CACNA2D3: variants seen among roughly 807,000 people sequenced by gnomAD.
The protein encoded by CACNA2D3 is calcium voltage-gated channel auxiliary subunit alpha2delta 3.
Under a neutral mutation model 160.6 loss-of-function variants are expected in CACNA2D3, and 60 were observed. The observed-to-expected ratio is 0.37, with a 90% CI of 0.30 to 0.46. The LOEUF is 0.46. Among genes scored for constraint, CACNA2D3 ranks in the 20% least tolerant of loss-of-function variants. The pLI is 1.00. For synonymous variants in CACNA2D3, 558 were observed against 492.9 expected (o/e 1.13, Z -1.75); for missense variants, 1,205 against 1,365.0 (o/e 0.88, Z 1.85).
intron 29 of CACNA2D3, among the ~76,000 whole-genome samples, chr3:54,979,447 A>C (rs1702460550): frequency 1.3e-5 from 2 of 152,244 alleles, no homozygotes; most frequent in Admixed American, 6.5e-5. Flanking sequence ...ACTCTCAAAT[A>C]GTTTCCAAAT....
intron 2 of CACNA2D3, among the ~76,000 whole-genome samples, chr3:54,140,689 C>T (rs1699907948): frequency 6.6e-6 from 1 of 152,224 alleles, no homozygotes; most frequent in African/African-American, 2.4e-5. Context: ...CACGTCACCT[C>T]TCTGGGTTGC....
chr3:54,822,663 A>T (rs571803548), intron 14 of CACNA2D3, among the ~76,000 whole-genome samples: 3 of 152,144 alleles, frequency 2.0e-5, no homozygotes, highest in African/African-American at 7.2e-5. Flanking sequence ...AGCCGAAGCT[A>T]CGTGTGGGTT....
rs188516333 is a variant in CACNA2D3 at position 54,888,111 on chromosome 3, T to C, written c.2150+59T>C. On this transcript the variant is annotated intron_variant, in intron 24 of 37. Transcript: ENST00000474759. Reference sequence around the variant, plus strand: ...ATTTCCTCACCAACACTCCGAAATATGGTTATGGTTTAAAGAACTAAACTG... The same window carrying C: ...ATTTCCTCACCAACACTCCGAAATACGGTTATGGTTTAAAGAACTAAACTG... 148 of 1,284,502 alleles carry C rather than the reference T, an allele frequency of 1.2e-4. No individual in the cohort carries two copies. The Middle Eastern group carries it at 1.7e-3, about 15-fold the overall frequency. The allele number at this position is 1,284,502 out of a possible 1,614,324, so 79.6% of individuals were successfully genotyped here.
chr3:54,885,994 A>G (rs908443281), intron 23 of CACNA2D3, among the ~76,000 whole-genome samples: 12 of 152,180 alleles, frequency 7.9e-5, no homozygotes, highest in Non-Finnish European at 5.9e-5. Flanking sequence ...GAGTAGGGTC[A>G]CGACGGGGAC....
chr3:54,403,980 A>T (rs989385209), intron 4 of CACNA2D3, among the ~76,000 whole-genome samples: 4 of 152,228 alleles, frequency 2.6e-5, no homozygotes, highest in Non-Finnish European at 4.4e-5. Context: ...TAACAAAGAG[A>T]TTGAAGTAGT....
At chr3:54,428,482 A>T (rs1006063826) in intron 4 of CACNA2D3, among the ~76,000 whole-genome samples, 1 of 152,324 alleles carries the variant, frequency 6.6e-6, no homozygotes, top group South Asian at 2.1e-4. Flanking sequence ...GTCGCTGATG[A>T]TTCGCACCAG....
At chr3:54,639,576 GGA>G in intron 10 of CACNA2D3, 1 of 220,462 alleles carries the variant, frequency 4.5e-6, no homozygotes, top group Admixed American at 5.8e-5. Flanking sequence ...GAGGGAGGTT[GGA>G]GAACAGAGTA....
chr3:54,204,824 A>G (rs1354837464), intron 2 of CACNA2D3, among the ~76,000 whole-genome samples: 177 of 151,094 alleles, frequency 1.2e-3, no homozygotes, highest in Non-Finnish European at 2.0e-3. Flanking sequence ...AAAAAAAGAA[A>G]AAGCAAAACA....
At chr3:54,964,626 GT>G (rs1280164382) in intron 27 of CACNA2D3, among the ~76,000 whole-genome samples, 6 of 152,118 alleles carry the variant, frequency 3.9e-5, no homozygotes, top group Non-Finnish European at 8.8e-5. Context: ...CACTGAAGTA[GT>G]CGTGTTTTCT....
chr3:54,161,244 C>G lies in CACNA2D3; in HGVS notation c.204+37650C>G, dbSNP rs556265125. On this transcript the variant is annotated intron_variant, in intron 2 of 37. Transcript: ENST00000474759. ...ATAGCCCTCTGCACCCAAACCCAAC[C>G]CATCTCCACTGAACTCCCCCTTCAC... Among the ~76,000 whole-genome samples the G allele has an allele frequency of 3.3e-5, 5 of 152,332 alleles. No homozygotes were observed. In the South Asian group the frequency reaches 8.3e-4, roughly 25 times the overall value.
intron 20 of CACNA2D3, 56 bp from the exon 21 acceptor site, chr3:54,880,740 A>G: frequency 7.3e-7 from 1 of 1,373,588 alleles, no homozygotes; most frequent in African/African-American, 1.4e-5. Context: ...GTTAGCCCAC[A>G]AGTCTATTCG....
intron 8 of CACNA2D3, among the ~76,000 whole-genome samples, chr3:54,576,336 T>C (rs552529391): frequency 2.0e-5 from 3 of 152,206 alleles, no homozygotes; most frequent in African/African-American, 7.2e-5. Context: ...TCTACACTAA[T>C]GCAGAAGCTC....
intron 4 of CACNA2D3, among the ~76,000 whole-genome samples, chr3:54,433,655 C>T (rs146965311): frequency 4.6e-4 from 70 of 152,260 alleles, no homozygotes; most frequent in Middle Eastern, 3.4e-3. Flanking sequence ...GACAGACGGC[C>T]TGCGGACCTT....
intron 32 of CACNA2D3, among the ~76,000 whole-genome samples, chr3:55,006,757 G>A (rs1703103331): frequency 6.6e-6 from 1 of 152,176 alleles, no homozygotes; most frequent in African/African-American, 2.4e-5. Context: ...GGAAAGTTTT[G>A]AGAATGATTG....
chr3:54,809,267 C>T lies in CACNA2D3; in HGVS notation c.1381-7586C>T, dbSNP rs373864460. Reference sequence around the variant, plus strand: ...CTCTCTCTTCCTTTCTTCCTTCCTTCCTTTATCTCTTTCTTCTCTCTTTCT... The same window carrying T: ...CTCTCTCTTCCTTTCTTCCTTCCTTTCTTTATCTCTTTCTTCTCTCTTTCT... On this transcript the variant is annotated intron_variant, in intron 13 of 37. Coordinates refer to ENST00000474759, the MANE Select transcript of CACNA2D3 (RefSeq NM_018398.3). Among the ~76,000 whole-genome samples, 10 of 147,698 alleles carry T rather than the reference C, an allele frequency of 6.8e-5. No individual in the cohort carries two copies. The East Asian group carries it at 1.8e-3, about 26-fold the overall frequency.
intron 5 of CACNA2D3, among the ~76,000 whole-genome samples, chr3:54,532,383 G>A (rs113033562): frequency 2.6e-5 from 4 of 152,278 alleles, no homozygotes; most frequent in South Asian, 2.1e-4. Context: ...TTGAGTAGTG[G>A]TGAAGTCTGG....
intron 9 of CACNA2D3, among the ~76,000 whole-genome samples, chr3:54,618,340 T>G (rs1698899738): frequency 1.0e-5 from 1 of 98,224 alleles, no homozygotes; most frequent in Non-Finnish European, 2.2e-5. Context: ...TTCAAATTGA[T>G]GTTGATACAT....
intron 4 of CACNA2D3, among the ~76,000 whole-genome samples, chr3:54,453,711 G>A (rs1334889288): frequency 2.0e-5 from 3 of 152,114 alleles, no homozygotes; most frequent in Non-Finnish European, 4.4e-5. Context: ...TGGTGTTACT[G>A]TTAGGTAAGT....
At chr3:55,011,739 A>AAAGAAGAC (rs1166450723) in intron 34 of CACNA2D3, among the ~76,000 whole-genome samples, 39 of 152,306 alleles carry the variant, frequency 2.6e-4, no homozygotes, top group Non-Finnish European at 5.7e-4. Flanking sequence ...TGAGTTAGGA[A>AAAGAAGAC]AAGAAGACTA....
Sources: gnomAD v4.1 joint callset for allele counts (sites outside exome capture counted in the v4.1 genomes callset) on GRCh38, gnomAD v4.1.1 for gene constraint, MANE v1.5 for transcripts, NCBI Gene and HGNC (gene_info 2026-07-23, HGNC 2026-07-21) for gene names.